Variants in CCDC68 observed in about 807,000 individuals in gnomAD.
CCDC68 encodes the protein coiled-coil domain-containing protein 68.
Under a neutral mutation model 47.1 loss-of-function variants are expected in CCDC68, and 45 were observed. That is an observed-to-expected ratio of 0.96 (90% CI 0.75 to 1.23). CCDC68 has a LOEUF of 1.23. Ranked by LOEUF, CCDC68 falls within the 50% of genes most tolerant of loss-of-function variation. The pLI, the probability that CCDC68 is intolerant of heterozygous loss-of-function variation, is 0.00. For synonymous variants in CCDC68, 131 were observed against 129.5 expected (o/e 1.01, Z -0.08); for missense variants, 353 against 373.6 (o/e 0.94, Z 0.45).
rs1238806594 is a variant in CCDC68, at chr18:54,904,153, T to C, written c.*205A>G. On this transcript the variant is annotated 3_prime_UTR_variant, in exon 12 of 12. Transcript: ENST00000591504. ...TGAGAAGGCACCTGGTTTCTTCAAC[T>C]ATTTGGTAAGTTTTGAAGAGTCCAT... 5.0e-6 allele frequency: 2 copies of C among 399,334 alleles called. No individual in the cohort carries two copies. Among genetic ancestry groups the C allele is most frequent in the East Asian group, 7.7e-5 (2 of 26,062 alleles). 24.7% of individuals were successfully genotyped at this position (399,334 alleles called of 1,614,324 possible).
chr18:54,923,715 G>A (rs1012257365), intron 8 of CCDC68, among the ~76,000 whole-genome samples: 12 of 142,720 alleles, frequency 8.4e-5, no homozygotes, highest in Non-Finnish European at 1.5e-4. Flanking sequence ...AAAGCACTCA[G>A]TCTTTTTTTT....
chr18:54,921,576 G>C lies in CCDC68; in HGVS notation c.684-2200C>G, dbSNP rs115359107. The stretch of plus-strand genomic sequence containing the variant: ...CATTGGTGAGGGGAGTGAAGCAAAT[G>C]AGGGGCCTGGGAGAAGGATGCAGAG... On this transcript the variant is annotated intron_variant, in intron 8 of 11. Transcript: ENST00000591504. Among the ~76,000 whole-genome samples the C allele has an allele frequency of 4.4e-3, 676 of 152,356 alleles. 7 individuals carry two copies. The highest frequency in any genetic ancestry group is 0.015 in the African/African-American group (640 of 41,590).
At chr18:54,917,867 A>C in intron 10 of CCDC68, 46 bp downstream of exon 10, 6 of 1,001,514 alleles carry the variant, frequency 6.0e-6, no homozygotes, top group Non-Finnish European at 9.4e-6. Flanking sequence ...ACACACACAC[A>C]CACTCACACC....
chr18:54,914,668 C>A (rs1248299165), intron 10 of CCDC68, among the ~76,000 whole-genome samples: 1 of 152,054 alleles, frequency 6.6e-6, no homozygotes, highest in Non-Finnish European at 1.5e-5. Context: ...TTGGGTTGAG[C>A]TACGTACAGA....
intron 7 of CCDC68, among the ~76,000 whole-genome samples, chr18:54,929,228 T>C (rs570153320): frequency 1.3e-5 from 2 of 152,278 alleles, no homozygotes; most frequent in Admixed American, 1.3e-4. Context: ...ACCCTGGCTC[T>C]CCCACCCTTA....
rs1203221477 is a variant in CCDC68 at position 54,917,957 on chromosome 18, T to C, written c.829A>G (p.Arg277Gly). ...ACCTTTTCTCTGAGATTTTCAATTC[T>C]TTTGTCTTGTTCTTTTAAATTATTT... The part of the protein sequence containing the change: ...LKNNLKEQDK[R>G]IENLREKVNI... The change falls in exon 10 of 12, where the codon AGA (arginine) becomes GGA (glycine). Residue 277 changes from arginine to glycine, a missense_variant. By Grantham distance (125) the Arg-to-Gly change is moderately radical. Transcript: ENST00000591504. The C allele has an allele frequency of 2.5e-6, 4 of 1,570,076 alleles. No individual in the cohort carries two copies. Among genetic ancestry groups the C allele is most frequent in the African/African-American group, 1.4e-5 (1 of 73,816 alleles).
Position 54,942,689 on chromosome 18 carries a change from C to A in CCDC68, c.103G>T (p.Glu35Ter), listed in dbSNP as rs149385830. 6.9e-5 allele frequency: 110 copies of A among 1,585,998 alleles called. No homozygotes were observed. The highest frequency in any genetic ancestry group is 8.7e-5 in the Non-Finnish European group (101 of 1,159,568). Reference sequence around the variant, plus strand: ...TACCCACATACCTTTTTCACATACTCGGTTTCTTCAATAATGTGAGCGGAC... The same window carrying A: ...TACCCACATACCTTTTTCACATACTAGGTTTCTTCAATAATGTGAGCGGAC... ...STSAHIIEET[E>*]YVKKIRTTLQ... The change falls in exon 3 of 12, where the codon GAG becomes TAG. Residue 35 changes from glutamate (E) to a stop codon, truncating the protein, a stop_gained. Transcript: ENST00000591504. LOFTEE classifies it high-confidence loss of function.
intron 4 of CCDC68, 27 bp downstream of exon 4, chr18:54,940,970 T>C: frequency 6.6e-7 from 1 of 1,512,236 alleles, no homozygotes; most frequent in Middle Eastern, 1.7e-4. Flanking sequence ...AATGGCTTTA[T>C]GCTAATCTTC....
intron 1 of CCDC68, among the ~76,000 whole-genome samples, chr18:54,955,236 G>A (rs548052113): frequency 6.6e-5 from 10 of 152,264 alleles, no homozygotes; most frequent in Admixed American, 2.0e-4. Context: ...GAGGCAGGAG[G>A]ATCACTTGAG....
Position 54,928,798 on chromosome 18 carries a change from AC to A in CCDC68, c.683+1del, listed in dbSNP as rs746743812. The stretch of plus-strand genomic sequence containing the variant: ...CTTTACTTAACAGGTAGCTTCACAA[AC>A]CTTTTTCCATATGTAGCACTGGATT... On this transcript the variant is annotated splice_donor_variant, in intron 8 of 11. Coordinates refer to ENST00000591504, the MANE Select transcript of CCDC68 (RefSeq NM_025214.3). LOFTEE classifies it high-confidence loss of function. The A allele has an allele frequency of 1.2e-6, 2 of 1,604,904 alleles. No homozygotes were observed. The highest frequency in any genetic ancestry group is 1.7e-5 in the Admixed American group (1 of 59,916).
At chr18:54,911,846 A>G (rs1180020750) in intron 10 of CCDC68, among the ~76,000 whole-genome samples, 1 of 152,168 alleles carries the variant, frequency 6.6e-6, no homozygotes, top group Admixed American at 6.5e-5. Context: ...AAAGCATAGG[A>G]GTTATTATGT....
intron 6 of CCDC68, among the ~76,000 whole-genome samples, chr18:54,936,379 C>T (rs1030298946): frequency 4.0e-5 from 6 of 148,356 alleles, no homozygotes; most frequent in South Asian, 2.1e-4. Flanking sequence ...TTTTTAAATC[C>T]GAAGTATCTA....
intron 3 of CCDC68, among the ~76,000 whole-genome samples, chr18:54,941,887 C>T (rs1266671860): frequency 2.0e-5 from 3 of 152,128 alleles, no homozygotes; most frequent in African/African-American, 7.2e-5. Flanking sequence ...CCTCCGCCTC[C>T]TGGGTTCAAG....
chr18:54,955,204 C>G (rs529854618), intron 1 of CCDC68, among the ~76,000 whole-genome samples: 18 of 152,148 alleles, frequency 1.2e-4, no homozygotes, highest in African/African-American at 4.1e-4. Context: ...TCCTGTAGTC[C>G]CAGCCATACA....
rs1491106509 is a variant in CCDC68, at chr18:54,920,885, A to ATG, written c.684-1511_684-1510dup. 5.9e-5 allele frequency among the ~76,000 whole-genome samples: 9 copies of ATG among 152,340 alleles called. No homozygotes were observed. In the East Asian group the frequency reaches 1.7e-3, roughly 29 times the overall value. ...AAACCGATCATTCTACCAAAAAGAC[A>ATG]TGTGTACTCTTATGTCCATCACAGC... On this transcript the variant is annotated intron_variant, in intron 8 of 11. Transcript: ENST00000591504.
At chr18:54,907,215 T>C (rs1393439473) in intron 11 of CCDC68, among the ~76,000 whole-genome samples, 1 of 152,164 alleles carries the variant, frequency 6.6e-6, no homozygotes, top group Non-Finnish European at 1.5e-5. Context: ...AAATTTAACT[T>C]AAAAAAATGA....
intron 7 of CCDC68, among the ~76,000 whole-genome samples, chr18:54,930,456 T>C (rs1018469659): frequency 2.0e-5 from 3 of 152,168 alleles, no homozygotes; most frequent in African/African-American, 7.2e-5. Context: ...TTACTTCAAA[T>C]CTTAATGTGT....
chr18:54,911,497 C>T (rs1914364564), intron 10 of CCDC68, among the ~76,000 whole-genome samples: 1 of 152,206 alleles, frequency 6.6e-6, no homozygotes, highest in Non-Finnish European at 1.5e-5. Flanking sequence ...ATGCAATCAT[C>T]ATTTCACTGT....
Position 54,941,019 on chromosome 18 carries a change from G to T in CCDC68, c.182C>A (p.Thr61Lys). 1 of 1,609,752 alleles carries T rather than the reference G, an allele frequency of 6.2e-7. No homozygotes were observed. The highest frequency in any genetic ancestry group is 8.5e-7 in the Non-Finnish European group (1 of 1,176,552). The change falls in exon 4 of 12, where the codon ACA becomes AAA. Residue 61 changes from threonine to lysine, a missense_variant. Coordinates refer to ENST00000591504, the MANE Select transcript of CCDC68 (RefSeq NM_025214.3). The stretch of plus-strand genomic sequence containing the variant: ...TACCTTTGCATCTAGTTTGTGATTT[G>T]TACTGTCATGTCTTATTTCATCTTT... ...MFKDEIRHDS[T>K]NHKLDAKHCG... is the part of the protein sequence containing the mutation.
Sources: allele counts gnomAD v4.1 joint callset (sites outside exome capture counted in the v4.1 genomes callset), GRCh38; gene constraint gnomAD v4.1.1; transcripts MANE v1.5; gene names NCBI Gene and HGNC (gene_info 2026-07-23, HGNC 2026-07-21).